Variants in ASCC3 observed in about 807,000 individuals in gnomAD.
The protein encoded by ASCC3 is activating signal cointegrator 1 complex subunit 3.
A neutral mutation model predicts 256.3 loss-of-function variants in ASCC3; 158 were observed. That is an observed-to-expected ratio of 0.62 (90% CI 0.54 to 0.70). The LOEUF is 0.70. Ranked by LOEUF, ASCC3 falls within the 30% of genes least tolerant of loss-of-function variation. ASCC3 has a pLI of 0.00. For missense variants in ASCC3, 2,259 were observed against 2,626.0 expected, an observed-to-expected ratio of 0.86 and a Z score of 3.05; for synonymous variants, 948 against 883.4, an observed-to-expected ratio of 1.07 and a Z score of -1.30.
chr6:100,843,378 A>T (rs1772240676), intron 4 of ASCC3, among the ~76,000 whole-genome samples: 1 of 152,196 alleles, frequency 6.6e-6, no homozygotes, highest in South Asian at 2.1e-4. Context: ...TCAAGAGATA[A>T]TACTAACGGC....
intron 3 of ASCC3, among the ~76,000 whole-genome samples, chr6:100,849,756 T>C (rs1388650940): frequency 1.3e-5 from 2 of 152,136 alleles, no homozygotes; most frequent in Non-Finnish European, 2.9e-5. Context: ...AAAAGCTATG[T>C]GACTTACCTA....
chr6:100,546,129 TAAA>T (rs772661785), intron 36 of ASCC3, among the ~76,000 whole-genome samples: 3 of 151,846 alleles, frequency 2.0e-5, no homozygotes, highest in Non-Finnish European at 4.4e-5. Flanking sequence ...CAATCAGAAA[TAAA>T]AAAGGAATTC....
At chr6:100,697,128 C>A (rs1778124569) in intron 13 of ASCC3, among the ~76,000 whole-genome samples, 1 of 152,010 alleles carries the variant, frequency 6.6e-6, no homozygotes, top group Non-Finnish European at 1.5e-5. Flanking sequence ...TATGCATTGG[C>A]TACATGCACA....
At chr6:100,738,237 T>C (rs1015999260) in intron 10 of ASCC3, among the ~76,000 whole-genome samples, 2 of 152,252 alleles carry the variant, frequency 1.3e-5, no homozygotes, top group Admixed American at 6.5e-5. Context: ...ATACCATTTG[T>C]CAATTTTTGC....
chr6:100,752,179 C>G (rs1406419846), intron 10 of ASCC3, among the ~76,000 whole-genome samples: 1 of 152,048 alleles, frequency 6.6e-6, no homozygotes, highest in Non-Finnish European at 1.5e-5. Context: ...TTCTCAGTTT[C>G]TCTTTTTAAT....
At position 100,799,240 on chromosome 6, in the gene ASCC3, T is replaced by C. The variant is rs919763049; in HGVS notation, c.1269+191A>G. The stretch of plus-strand genomic sequence containing the variant: ...AAAAACAATGAAAAGGAGGGAAACA[T>C]ATATGTTCTGAATATCTACTATATG... On this transcript the variant is annotated intron_variant, in intron 7 of 41. Coordinates refer to ENST00000369162, the MANE Select transcript of ASCC3 (RefSeq NM_006828.4). 1.5e-4 allele frequency among the ~76,000 whole-genome samples: 23 copies of C among 152,030 alleles called. No individual in the cohort carries two copies. The East Asian group carries it at 3.1e-3, about 20-fold the overall frequency.
chr6:100,738,842 T>G (rs1489514507), intron 10 of ASCC3, among the ~76,000 whole-genome samples: 7 of 152,218 alleles, frequency 4.6e-5, no homozygotes, highest in Admixed American at 4.6e-4. Flanking sequence ...GCTTTTGGAA[T>G]GAGACAATGG....
In ASCC3 at chr6:100,627,575, G is replaced by T; in HGVS notation, c.4642+15C>A. ...AACAATGGTTACTATTTTATTCCAA[G>T]AATCTGAAGCTTACCCTGAAATGCA... is the stretch of plus-strand genomic sequence containing the variant. On this transcript the variant is annotated intron_variant, in intron 29 of 41. Transcript: ENST00000369162. 6.2e-7 allele frequency: 1 copy of T among 1,612,776 alleles called. No individual in the cohort carries two copies. Among genetic ancestry groups the T allele is most frequent in the Non-Finnish European group, 8.5e-7 (1 of 1,179,390 alleles).
At chr6:100,869,599 C>T (rs1024019045) in intron 1 of ASCC3, among the ~76,000 whole-genome samples, 2 of 152,056 alleles carry the variant, frequency 1.3e-5, no homozygotes, top group South Asian at 4.1e-4. Context: ...CTGGAAAAGA[C>T]TTGAAGAAAT....
At chr6:100,582,316 G>C (rs1771333625) in intron 36 of ASCC3, among the ~76,000 whole-genome samples, 1 of 152,018 alleles carries the variant, frequency 6.6e-6, no homozygotes, top group South Asian at 2.1e-4. Flanking sequence ...CTTGTAAGTT[G>C]GATTCCTAGG....
rs145229006 is a variant in ASCC3 at position 100,688,307 on chromosome 6, T to C, written c.2152-8555A>G. ...ACAACAGGAACTCTTGATTCTTTTA[T>C]TAAAAATGAAGGTGAGCAAGAAAGC... On this transcript the variant is annotated intron_variant, in intron 13 of 41. Transcript: ENST00000369162. Among the ~76,000 whole-genome samples, 57 of 152,034 alleles carry C rather than the reference T, an allele frequency of 3.7e-4. 1 individual carries two copies. Among genetic ancestry groups the C allele is most frequent in the African/African-American group, 1.3e-3 (56 of 41,534 alleles).
intron 10 of ASCC3, among the ~76,000 whole-genome samples, chr6:100,759,847 A>G (rs2115113869): frequency 6.6e-6 from 1 of 152,270 alleles, no homozygotes; most frequent in East Asian, 1.9e-4. Context: ...AGTGGTTTGT[A>G]GTTCTCCTTG....
At chr6:100,850,423 T>C (rs539470201) in intron 3 of ASCC3, among the ~76,000 whole-genome samples, 2 of 152,288 alleles carry the variant, frequency 1.3e-5, no homozygotes, top group Non-Finnish European at 1.5e-5. Flanking sequence ...GTTGAGTACA[T>C]TGTACAAATA....
intron 8 of ASCC3, among the ~76,000 whole-genome samples, chr6:100,789,389 A>C (rs1242035695): frequency 2.0e-5 from 3 of 151,960 alleles, no homozygotes; most frequent in Non-Finnish European, 4.4e-5. Flanking sequence ...GTGCTTTTAA[A>C]AACAGGTTCT....
intron 13 of ASCC3, among the ~76,000 whole-genome samples, chr6:100,687,028 T>TCACACACACACACACACA (rs1201705191): frequency 1.5e-4 from 13 of 89,176 alleles, no homozygotes; most frequent in South Asian, 3.0e-4. Context: ...TCTCTCTCTC[T>TCACACACACACACACACA]CTCTCTCACA....
chr6:100,670,497 C>T (rs1337506712), intron 14 of ASCC3, among the ~76,000 whole-genome samples: 2 of 151,852 alleles, frequency 1.3e-5, no homozygotes. Context: ...AGTAGTTATA[C>T]TGTATTGTTT....
chr6:100,740,128 T>C (rs899136349), intron 10 of ASCC3, among the ~76,000 whole-genome samples: 3 of 152,240 alleles, frequency 2.0e-5, no homozygotes, highest in African/African-American at 7.2e-5. Context: ...TCTGGTACAC[T>C]GTCTCTTTGT....
chr6:100,581,810 A>T lies in ASCC3; in HGVS notation c.5550+7824T>A, dbSNP rs939184202. Among the ~76,000 whole-genome samples, 94 of 150,622 alleles carry T rather than the reference A, an allele frequency of 6.2e-4. 1 individual carries two copies. In the East Asian group the frequency reaches 0.017, roughly 27 times the overall value. ...TTCAGCTTTCTACATATGGCTAGCC[A>T]GTTTTCCCAGCACCATTTATTAAAT... On this transcript the variant is annotated intron_variant, in intron 36 of 41. Coordinates refer to ENST00000369162, the MANE Select transcript of ASCC3 (RefSeq NM_006828.4).
intron 29 of ASCC3, among the ~76,000 whole-genome samples, chr6:100,626,219 T>C (rs1053785788): frequency 1.3e-5 from 2 of 152,054 alleles, no homozygotes; most frequent in African/African-American, 2.4e-5. Context: ...GTAGAATATA[T>C]ATTTAGGTCT....
Sources: allele counts gnomAD v4.1 joint callset (sites outside exome capture counted in the v4.1 genomes callset), GRCh38; gene constraint gnomAD v4.1.1; transcripts MANE v1.5; gene names NCBI Gene and HGNC (gene_info 2026-07-23, HGNC 2026-07-21).